MAT2B: variants seen among roughly 807,000 people sequenced by gnomAD.
MAT2B encodes methionine adenosyltransferase 2 subunit beta.
MAT2B carries 16 observed loss-of-function variants against 36.1 expected under a neutral mutation model. The ratio of observed to expected loss-of-function variants is 0.44; its 90% CI spans 0.30 to 0.67. MAT2B has a LOEUF of 0.67. Ranked by LOEUF, MAT2B falls within the 30% of genes least tolerant of loss-of-function variation. MAT2B has a pLI of 0.09. For missense variants in MAT2B, 332 were observed against 398.2 expected, an observed-to-expected ratio of 0.83 and a Z score of 1.42; for synonymous variants, 148 against 136.9, an observed-to-expected ratio of 1.08 and a Z score of -0.57.
rs1339746414 is a variant in MAT2B, at chr5:163,516,272, ACTC to A, written c.527-243_527-241del. ...GCTATGATGCCCGGGCTGATCTTGA[ACTC>A]CTGGCTTCAAGTGATCCTTCTGCCT... On this transcript the variant is annotated intron_variant, in intron 4 of 6. Coordinates refer to ENST00000321757, the MANE Select transcript of MAT2B (RefSeq NM_013283.5). Among the ~76,000 whole-genome samples the A allele has an allele frequency of 2.6e-5, 4 of 151,446 alleles. No homozygotes were observed. The East Asian group carries it at 7.8e-4, about 29-fold the overall frequency.
intron 5 of MAT2B, chr5:163,517,240 A>G (rs563364002): frequency 8.1e-5 from 16 of 197,756 alleles, no homozygotes; most frequent in Middle Eastern, 2.0e-3. Context: ...GTAGCTTGGG[A>G]TAATTAAAAA....
chr5:163,509,342 G>A (rs1581212864), intron 1 of MAT2B, among the ~76,000 whole-genome samples: 1 of 152,116 alleles, frequency 6.6e-6, no homozygotes, highest in African/African-American at 2.4e-5. Flanking sequence ...AAGGTAGATG[G>A]CACTTTTTGT....
rs1760081206 is a variant in MAT2B at position 163,513,426 on chromosome 5, A to C, written c.259-129A>C. The C allele has an allele frequency of 1.4e-5, 8 of 579,892 alleles. No individual in the cohort carries two copies. In the South Asian group the frequency reaches 2.1e-4, roughly 15 times the overall value. The allele number at this position is 579,892 out of a possible 1,614,324, so 35.9% of individuals were successfully genotyped here. A position where few individuals can be genotyped will look rare whatever the true frequency, so the allele number is the denominator to read the frequency against. ...GCATGACAAAACTACATTAGAAATT[A>C]CAATGATTTATTCTTAGTTGAAAGA... is the stretch of plus-strand genomic sequence containing the variant. On this transcript the variant is annotated intron_variant, in intron 2 of 6. Coordinates refer to ENST00000321757, the MANE Select transcript of MAT2B (RefSeq NM_013283.5).
upstream of MAT2B, chr5:163,505,408 C>T: frequency 1.5e-6 from 1 of 654,676 alleles, no homozygotes; most frequent in East Asian, 3.7e-5. Context: ...GAAACAAAAC[C>T]TGAATTCACT....
At chr5:163,508,656 C>T (rs898725299) in intron 1 of MAT2B, among the ~76,000 whole-genome samples, 9 of 151,708 alleles carry the variant, frequency 5.9e-5, no homozygotes, top group Non-Finnish European at 1.2e-4. Context: ...TAGCTCGTGT[C>T]CCCCAGGCTG....
chr5:163,516,836 G>A (rs1760141378), intron 5 of MAT2B, 125 bp downstream of exon 5: 2 of 862,848 alleles, frequency 2.3e-6, no homozygotes, highest in Non-Finnish European at 3.8e-6. Flanking sequence ...AAAACTAGGA[G>A]ACCAAACAAA....
chr5:163,513,925 C>A lies in MAT2B; in HGVS notation c.457C>A (p.Pro153Thr), dbSNP rs771185933. 73 of 1,613,426 alleles carry A rather than the reference C, an allele frequency of 4.5e-5. No homozygotes were observed. The highest frequency in any genetic ancestry group is 6.1e-5 in the Non-Finnish European group (72 of 1,179,594). ...TCCACCTTACAGAGAGGAAGACATA[C>A]CAGCTCCCCTAAATTTGTATGGCAA... ...TNPPYREEDI[P>T]APLNLYGKTK... The change falls in exon 4 of 7, where the codon CCA (proline) becomes ACA (threonine). Residue 153 changes from proline (P) to threonine (T), a missense_variant. Physicochemically the swap from Pro to Thr is conservative, Grantham distance 38 (BLOSUM62 -1). Coordinates refer to ENST00000321757, the MANE Select transcript of MAT2B (RefSeq NM_013283.5).
chr5:163,514,628 C>A (rs1217271839), intron 4 of MAT2B, among the ~76,000 whole-genome samples: 1 of 151,428 alleles, frequency 6.6e-6, no homozygotes, highest in Non-Finnish European at 1.5e-5. Flanking sequence ...TTTCCCTCAA[C>A]ATCTTTGCAT....
intron 1 of MAT2B, 70 bp downstream of exon 1, chr5:163,505,819 G>A: frequency 8.3e-7 from 1 of 1,200,646 alleles, no homozygotes; most frequent in Non-Finnish European, 1.1e-6. Flanking sequence ...CCGGGGCTCG[G>A]GCGGCTTTGC....
rs1760082889 is a variant in MAT2B, at chr5:163,513,559, A to G, written c.263A>G (p.His88Arg). 1.3e-6 allele frequency: 2 copies of G among 1,585,372 alleles called. No individual in the cohort carries two copies. The highest frequency in any genetic ancestry group is 1.7e-6 in the Non-Finnish European group (2 of 1,155,560). ...VHHIIHDFQP[H>R]VIVHCAAERR... is the part of the protein sequence containing the mutation. ...ACGTCAATGCTTAACTTCTAGCCCC[A>G]TGTTATAGTACATTGTGCAGCAGAG... The change falls in exon 3 of 7, where the codon CAT becomes CGT. Residue 88 changes from histidine (H) to arginine (R), a missense_variant. By Grantham distance (29) the His-to-Arg change is conservative (BLOSUM62 0). Transcript: ENST00000321757.
At chr5:163,512,745 G>A (rs1362600397) in intron 2 of MAT2B, 1 of 443,900 alleles carries the variant, frequency 2.3e-6, no homozygotes, top group African/African-American at 2.0e-5. Flanking sequence ...CAGTGGTGCA[G>A]TTGAGCTCAC....
At position 163,514,009 on chromosome 5, in the gene MAT2B, AT is replaced by A. The variant is rs777320254; in HGVS notation, c.526+18del. 7 of 1,589,910 alleles carry A rather than the reference AT, an allele frequency of 4.4e-6. No individual in the cohort carries two copies. Among genetic ancestry groups the A allele is most frequent in the Non-Finnish European group, 5.1e-6 (6 of 1,171,306 alleles). Reference sequence around the variant, plus strand: ...GAACAATCTAGGTAAGACCTAATCTATTTAGCCCCTGATTGTTTTTGAAGAC... The same window carrying A: ...GAACAATCTAGGTAAGACCTAATCTATTAGCCCCTGATTGTTTTTGAAGAC... On this transcript the variant is annotated intron_variant, in intron 4 of 6. Coordinates refer to ENST00000321757, the MANE Select transcript of MAT2B (RefSeq NM_013283.5).
rs535751470 is a variant in MAT2B, at chr5:163,513,114, CAGTT to C, written c.259-438_259-435del. ...GATCCTTCTGCCTCGGCCTCCACAA[CAGTT>C]AGAACTACAGGCTCATGCCACCACG... On this transcript the variant is annotated intron_variant, in intron 2 of 6. Transcript: ENST00000321757. The C allele has an allele frequency of 1.9e-3, 332 of 171,870 alleles. 2 individuals are homozygous for C. Among genetic ancestry groups the C allele is most frequent in the Admixed American group, 3.7e-3 (66 of 17,672 alleles). The allele number at this position is 171,870 out of a possible 1,614,324, so 10.6% of individuals were successfully genotyped here.
chr5:163,514,733 T>A (rs7721639), intron 4 of MAT2B, among the ~76,000 whole-genome samples: 1 of 152,112 alleles, frequency 6.6e-6, no homozygotes, highest in African/African-American at 2.4e-5. Flanking sequence ...AACTACTGCC[T>A]TAGACTGTAC....
chr5:163,509,578 A>G (rs1760006380), intron 1 of MAT2B, among the ~76,000 whole-genome samples: 1 of 152,182 alleles, frequency 6.6e-6, no homozygotes, highest in Admixed American at 6.5e-5. Context: ...TGACCTTAGG[A>G]ACTGTTACCT....
rs546436619 is a variant in MAT2B, at chr5:163,519,172, ACTT to A, written c.*813_*815del. 4 of 152,060 alleles carry A rather than the reference ACTT, an allele frequency of 2.6e-5. No homozygotes were observed. The highest frequency in any genetic ancestry group is 5.9e-5 in the Non-Finnish European group (4 of 68,000). The allele number at this position is 152,060 out of a possible 1,614,324, so 9.4% of individuals were successfully genotyped here. A position where few individuals can be genotyped will look rare whatever the true frequency, so the allele number is the denominator to read the frequency against. On this transcript the variant is annotated 3_prime_UTR_variant, in exon 7 of 7. Transcript: ENST00000321757. ...TGTAATGCTTAGTTTTCTTGTATTT[ACTT>A]CTTTTTTTAAATGTAAGGACCAAAC...
At chr5:163,514,188 C>G (rs961939907) in intron 4 of MAT2B, among the ~76,000 whole-genome samples, 194 bp downstream of exon 4, 1 of 152,164 alleles carries the variant, frequency 6.6e-6, no homozygotes, top group Non-Finnish European at 1.5e-5. Context: ...ACAGTTTCCA[C>G]TATCAGTGTT....
At chr5:163,511,805 G>A (rs892312284) in intron 1 of MAT2B, among the ~76,000 whole-genome samples, 197 bp from the exon 2 acceptor site, 6 of 152,014 alleles carry the variant, frequency 3.9e-5, no homozygotes, top group South Asian at 2.1e-4. Flanking sequence ...TGCCTGCCTC[G>A]CATTCCCAAA....
At chr5:163,503,652 T>C (rs1438978767), upstream of MAT2B, among the ~76,000 whole-genome samples, 2 of 152,212 alleles carry the variant, frequency 1.3e-5, no homozygotes, top group South Asian at 2.1e-4. Flanking sequence ...TAGCTGACAA[T>C]ACAGAATTGC....
Sources: allele counts gnomAD v4.1 joint callset (sites outside exome capture counted in the v4.1 genomes callset), GRCh38; gene constraint gnomAD v4.1.1; transcripts MANE v1.5; gene names NCBI Gene and HGNC (gene_info 2026-07-23, HGNC 2026-07-21).